The following SGCZ variants were observed in gnomAD, a reference collection of about 807,000 sequenced individuals.
SGCZ encodes zeta-sarcoglycan.
SGCZ carries 40 observed loss-of-function variants against 41.3 expected under a neutral mutation model. That is an observed-to-expected ratio of 0.97 (90% CI 0.75 to 1.26). The LOEUF is 1.26. Among genes scored for constraint, SGCZ ranks in the 50% most tolerant of loss-of-function variants. The probability of loss-of-function intolerance (pLI) is 0.00; values close to 1 mark genes in which losing one functional copy is unlikely to be tolerated. For missense variants in SGCZ, 552 were observed against 369.8 expected (o/e 1.49, Z -4.04); for synonymous variants, 206 against 137.5 (o/e 1.50, Z -3.49).
At chr8:15,063,170 T>C (rs1270825796) in intron 1 of SGCZ, among the ~76,000 whole-genome samples, 1 of 152,146 alleles carries the variant, frequency 6.6e-6, no homozygotes, top group African/African-American at 2.4e-5. Flanking sequence ...ACTAGTTCGA[T>C]AGACTTCATT....
intron 1 of SGCZ, among the ~76,000 whole-genome samples, chr8:15,150,268 T>A (rs940389548): frequency 6.6e-6 from 1 of 152,190 alleles, no homozygotes; most frequent in Non-Finnish European, 1.5e-5. Context: ...TTTACAAAGT[T>A]ATTACAATTG....
At chr8:14,310,595 G>C (rs1801503018) in intron 3 of SGCZ, among the ~76,000 whole-genome samples, 2 of 152,066 alleles carry the variant, frequency 1.3e-5, no homozygotes, top group Non-Finnish European at 1.5e-5. Flanking sequence ...TTTTGCTTTG[G>C]TTAAAAATGG....
At chr8:14,915,653 T>C (rs979681334) in intron 1 of SGCZ, among the ~76,000 whole-genome samples, 11 of 152,196 alleles carry the variant, frequency 7.2e-5, no homozygotes, top group Non-Finnish European at 1.2e-4. Flanking sequence ...CCCCATGCTA[T>C]GTAAACATCA....
intron 2 of SGCZ, among the ~76,000 whole-genome samples, chr8:14,383,480 C>G (rs763669439): frequency 4.6e-5 from 7 of 152,160 alleles, no homozygotes; most frequent in Non-Finnish European, 7.3e-5. Context: ...TTCAAAGTGT[C>G]CCACTCTGGA....
intron 2 of SGCZ, among the ~76,000 whole-genome samples, chr8:14,508,878 G>T (rs1802385847): frequency 6.6e-6 from 1 of 152,102 alleles, no homozygotes; most frequent in Non-Finnish European, 1.5e-5. Context: ...GTGCTTAAGT[G>T]AAATTAGGAT....
chr8:14,947,580 T>G (rs1036921511), intron 1 of SGCZ, among the ~76,000 whole-genome samples: 10 of 152,158 alleles, frequency 6.6e-5, no homozygotes, highest in African/African-American at 2.4e-4. Flanking sequence ...AATATAAAAC[T>G]TGTATACTTC....
intron 1 of SGCZ, among the ~76,000 whole-genome samples, chr8:14,706,594 G>C (rs1359823253): frequency 6.6e-6 from 1 of 152,034 alleles, no homozygotes; most frequent in Non-Finnish European, 1.5e-5. Context: ...GGAATTTGAA[G>C]CTCTAACTCT....
intron 2 of SGCZ, among the ~76,000 whole-genome samples, chr8:14,510,006 T>C (rs1802422684): frequency 6.6e-6 from 1 of 152,032 alleles, no homozygotes; most frequent in Non-Finnish European, 1.5e-5. Context: ...GGATTACAAT[T>C]TGAGATGACA....
At chr8:14,135,949 G>A (rs1803184046) in intron 5 of SGCZ, among the ~76,000 whole-genome samples, 1 of 151,880 alleles carries the variant, frequency 6.6e-6, no homozygotes, top group African/African-American at 2.4e-5. Context: ...AAAAATAGAA[G>A]AGGATAAAAT....
intron 3 of SGCZ, among the ~76,000 whole-genome samples, chr8:14,256,757 T>C (rs1286622517): frequency 6.6e-6 from 1 of 152,162 alleles, no homozygotes; most frequent in Admixed American, 6.5e-5. Flanking sequence ...ATTACATGAA[T>C]CTATCCACAA....
At chr8:14,724,636 C>G (rs1249848034) in intron 1 of SGCZ, among the ~76,000 whole-genome samples, 4 of 150,834 alleles carry the variant, frequency 2.7e-5, no homozygotes, top group Non-Finnish European at 1.5e-5. Context: ...AAAATAAGAC[C>G]AAGCGTTTCT....
intron 2 of SGCZ, among the ~76,000 whole-genome samples, chr8:14,387,190 T>A (rs963960304): frequency 6.6e-6 from 1 of 152,118 alleles, no homozygotes; most frequent in East Asian, 1.9e-4. Context: ...TAGGACTACA[T>A]GTGTGCACCA....
At chr8:14,821,779 A>C (rs1169215993) in intron 1 of SGCZ, among the ~76,000 whole-genome samples, 1 of 152,108 alleles carries the variant, frequency 6.6e-6, no homozygotes, top group Non-Finnish European at 1.5e-5. Flanking sequence ...TTCATGAAAA[A>C]AAATTATCAA....
chr8:15,136,811 T>A (rs570612755), intron 1 of SGCZ, among the ~76,000 whole-genome samples: 2 of 152,282 alleles, frequency 1.3e-5, no homozygotes, highest in East Asian at 3.9e-4. Flanking sequence ...CAGGTATTCT[T>A]TCAGAGCACT....
At chr8:14,909,035 T>C (rs145495448) in intron 1 of SGCZ, among the ~76,000 whole-genome samples, 2 of 152,298 alleles carry the variant, frequency 1.3e-5, no homozygotes, top group African/African-American at 4.8e-5. Flanking sequence ...ACTCTAATGA[T>C]GAGTCAATTT....
At chr8:14,333,358 A>T (rs935952942) in intron 2 of SGCZ, among the ~76,000 whole-genome samples, 2 of 152,112 alleles carry the variant, frequency 1.3e-5, no homozygotes, top group Non-Finnish European at 2.9e-5. Flanking sequence ...TAATGGATTA[A>T]TAATAATGTT....
chr8:14,593,839 G>C (rs148963029), intron 1 of SGCZ, among the ~76,000 whole-genome samples: 172 of 152,200 alleles, frequency 1.1e-3, no homozygotes, highest in Admixed American at 2.1e-3. Flanking sequence ...GCAGTTTTCA[G>C]ACTTGGGTGT....
intron 1 of SGCZ, among the ~76,000 whole-genome samples, chr8:14,561,281 A>G (rs1804200349): frequency 6.6e-6 from 1 of 152,290 alleles, no homozygotes; most frequent in South Asian, 2.1e-4. Context: ...TTCTATAAAT[A>G]AAAGTATTTT....
chr8:14,354,557 T>C, intron 2 of SGCZ, among the ~76,000 whole-genome samples: 1 of 151,666 alleles, frequency 6.6e-6, no homozygotes. Context: ...ACTAATATTG[T>C]AATATACTAC....
Sources: gnomAD v4.1 joint callset for allele counts (sites outside exome capture counted in the v4.1 genomes callset) on GRCh38, gnomAD v4.1.1 for gene constraint, MANE v1.5 for transcripts, NCBI Gene and HGNC (gene_info 2026-07-23, HGNC 2026-07-21) for gene names.